MAST4: variants seen among roughly 807,000 people sequenced by gnomAD.
MAST4 encodes microtubule associated serine/threonine kinase family member 4.
In MAST4, 89 loss-of-function variants were observed where a neutral mutation model predicts 162.7. That is an observed-to-expected ratio of 0.55 (90% CI 0.46 to 0.65). The LOEUF is 0.65. Ranked by LOEUF, MAST4 falls within the 30% of genes least tolerant of loss-of-function variation. The probability of loss-of-function intolerance (pLI) is 0.00; values close to 1 mark genes in which losing one functional copy is unlikely to be tolerated. For synonymous variants in MAST4, 1,479 were observed against 1,361.1 expected (o/e 1.09, Z -1.91); for missense variants, 3,153 against 3,374.0 (o/e 0.93, Z 1.62).
At chr5:66,615,569 C>A (rs765708882) in intron 1 of MAST4, among the ~76,000 whole-genome samples, 1 of 152,048 alleles carries the variant, frequency 6.6e-6, no homozygotes, top group East Asian at 1.9e-4. Context: ...AATCCAAACA[C>A]TTTGGGAGGC....
chr5:66,986,802 G>A (rs1749560569), intron 4 of MAST4, among the ~76,000 whole-genome samples: 1 of 151,614 alleles, frequency 6.6e-6, no homozygotes, highest in South Asian at 2.1e-4. Context: ...TTTAGAGATA[G>A]GGTCTCGCTA....
At chr5:66,881,857 A>G (rs1441556527) in intron 3 of MAST4, among the ~76,000 whole-genome samples, 1 of 152,230 alleles carries the variant, frequency 6.6e-6, no homozygotes, top group Non-Finnish European at 1.5e-5. Flanking sequence ...GGCAAAAAGA[A>G]AAACAAGTCA....
intron 4 of MAST4, among the ~76,000 whole-genome samples, chr5:66,912,684 C>T (rs1763854703): frequency 6.7e-6 from 1 of 149,734 alleles, no homozygotes; most frequent in Non-Finnish European, 1.5e-5. Flanking sequence ...AAGCATATTA[C>T]TTAATTATTA....
intron 3 of MAST4, among the ~76,000 whole-genome samples, chr5:66,813,373 G>C (rs1445799385): frequency 6.6e-6 from 1 of 152,198 alleles, no homozygotes; most frequent in Non-Finnish European, 1.5e-5. Context: ...AGTAAAACCA[G>C]ACAAGTGTAT....
At chr5:66,932,940 C>A (rs1048321936) in intron 4 of MAST4, among the ~76,000 whole-genome samples, 1 of 152,058 alleles carries the variant, frequency 6.6e-6, no homozygotes. Context: ...TTTAGTGGTT[C>A]TTTGGCATCT....
chr5:66,854,162 T>A (rs941348019), intron 3 of MAST4, among the ~76,000 whole-genome samples: 1 of 152,184 alleles, frequency 6.6e-6, no homozygotes, highest in Admixed American at 6.5e-5. Flanking sequence ...GCTGGTGTCA[T>A]TTTTAAAAGT....
At chr5:66,886,457 G>A (rs890072292) in intron 3 of MAST4, among the ~76,000 whole-genome samples, 1 of 151,906 alleles carries the variant, frequency 6.6e-6, no homozygotes, top group Non-Finnish European at 1.5e-5. Context: ...ACTTTGTGTT[G>A]TTCAAAGTTC....
chr5:66,606,579 C>T (rs1241905532), intron 1 of MAST4, among the ~76,000 whole-genome samples: 1 of 152,152 alleles, frequency 6.6e-6, no homozygotes. Flanking sequence ...ATCTTTGTTC[C>T]TGCATTGTGC....
At chr5:67,061,684 G>C (rs1373056605) in intron 5 of MAST4, among the ~76,000 whole-genome samples, 5 of 151,776 alleles carry the variant, frequency 3.3e-5, no homozygotes, top group African/African-American at 1.2e-4. Flanking sequence ...AGCATCTCCT[G>C]CTCTGATCTC....
At chr5:67,128,952 C>T (rs1768587716) in intron 14 of MAST4, among the ~76,000 whole-genome samples, 2 of 152,236 alleles carry the variant, frequency 1.3e-5, no homozygotes, top group Non-Finnish European at 2.9e-5. Context: ...CCATCCAAGA[C>T]ATGTTCCTTG....
At chr5:66,688,265 G>A (rs1004520826) in intron 1 of MAST4, among the ~76,000 whole-genome samples, 2 of 152,242 alleles carry the variant, frequency 1.3e-5, no homozygotes, top group Non-Finnish European at 2.9e-5. Context: ...GGGCACATCA[G>A]TAAGGATGCC....
chr5:66,950,921 A>G (rs1744601828), intron 4 of MAST4, among the ~76,000 whole-genome samples: 1 of 152,156 alleles, frequency 6.6e-6, no homozygotes, highest in Non-Finnish European at 1.5e-5. Context: ...TTTGCTCAAC[A>G]TTATGCTTAA....
rs1767833253 is a variant in MAST4, at chr5:67,123,585, T to C, written c.1745+2483T>C. Among the ~76,000 whole-genome samples the C allele has an allele frequency of 2.6e-5, 4 of 152,272 alleles. No homozygotes were observed. In the Middle Eastern group the frequency reaches 0.014, roughly 518 times the overall value. The stretch of plus-strand genomic sequence containing the variant: ...GAGTCACGGATACCCTGATTCTAAG[T>C]GGAGCTCTCTTCTCTCTATAAGGTA... On this transcript the variant is annotated intron_variant, in intron 14 of 28. Coordinates refer to ENST00000403625, the MANE Select transcript of MAST4 (RefSeq NM_001164664.2).
At chr5:66,679,237 G>A (rs1748164810) in intron 1 of MAST4, among the ~76,000 whole-genome samples, 1 of 152,216 alleles carries the variant, frequency 6.6e-6, no homozygotes, top group Admixed American at 6.5e-5. Context: ...CAGGGGAGAG[G>A]TAAGGGCAGG....
At chr5:66,613,916 A>T (rs1162193709) in intron 1 of MAST4, among the ~76,000 whole-genome samples, 1 of 147,606 alleles carries the variant, frequency 6.8e-6, no homozygotes, top group Non-Finnish European at 1.5e-5. Flanking sequence ...GGGTTAGTGG[A>T]TGCCAGTCAT....
At chr5:66,935,603 A>G (rs768464039) in intron 4 of MAST4, among the ~76,000 whole-genome samples, 40 of 151,648 alleles carry the variant, frequency 2.6e-4, no homozygotes, top group Non-Finnish European at 3.7e-4. Context: ...TGCATTTGCC[A>G]CCATTGTTCT....
chr5:66,633,253 A>G (rs1328779163), intron 1 of MAST4, among the ~76,000 whole-genome samples: 1 of 152,204 alleles, frequency 6.6e-6, no homozygotes, highest in African/African-American at 2.4e-5. Flanking sequence ...GTTTCTTTGA[A>G]TGACTTTTCT....
chr5:66,875,292 A>G (rs1232180450), intron 3 of MAST4, among the ~76,000 whole-genome samples: 1 of 152,222 alleles, frequency 6.6e-6, no homozygotes, highest in Non-Finnish European at 1.5e-5. Flanking sequence ...TACTATGTAA[A>G]CTTTATAAAA....
chr5:66,696,290 A>C (rs554206151), intron 1 of MAST4, among the ~76,000 whole-genome samples: 52 of 152,214 alleles, frequency 3.4e-4, no homozygotes, highest in African/African-American at 1.2e-3. Flanking sequence ...TAGGTGCAGC[A>C]AATCACCATG....
Sources: gnomAD v4.1 joint callset for allele counts (sites outside exome capture counted in the v4.1 genomes callset) on GRCh38, gnomAD v4.1.1 for gene constraint, MANE v1.5 for transcripts, NCBI Gene and HGNC (gene_info 2026-07-23, HGNC 2026-07-21) for gene names.